The following BICD1 variants were observed in gnomAD, a reference collection of about 807,000 sequenced individuals.
BICD1 encodes BICD cargo adaptor 1.
A neutral mutation model predicts 92.5 loss-of-function variants in BICD1; 35 were observed. The observed-to-expected ratio is 0.38, with a 90% CI of 0.29 to 0.50. The LOEUF is 0.50. Among genes scored for constraint, BICD1 ranks in the 20% least tolerant of loss-of-function variants. The pLI is 0.93. For synonymous variants in BICD1, 429 were observed against 465.1 expected (o/e 0.92, Z 1.00); for missense variants, 950 against 1,189.8 (o/e 0.80, Z 2.97).
intron 8 of BICD1, among the ~76,000 whole-genome samples, chr12:32,355,035 T>C (rs1008824195): frequency 6.6e-6 from 1 of 152,240 alleles, no homozygotes; most frequent in Non-Finnish European, 1.5e-5. Flanking sequence ...ACATTATTAA[T>C]CATTTTGTAG....
chr12:32,338,022 G>A, intron 7 of BICD1: 1 of 542,916 alleles, frequency 1.8e-6, no homozygotes, highest in Non-Finnish European at 3.3e-6. Context: ...CTAACCCCCT[G>A]CCCAATCCCT....
intron 4 of BICD1, among the ~76,000 whole-genome samples, chr12:32,325,017 T>C (rs1278798536): frequency 6.6e-6 from 1 of 152,124 alleles, no homozygotes; most frequent in Non-Finnish European, 1.5e-5. Context: ...ATTTAGGTAG[T>C]TTTGGGGATT....
At chr12:32,271,608 A>G (rs546816982) in intron 2 of BICD1, among the ~76,000 whole-genome samples, 4 of 152,258 alleles carry the variant, frequency 2.6e-5, no homozygotes, top group African/African-American at 7.2e-5. Flanking sequence ...ACTGTGCACT[A>G]ACCTTGTGTG....
At chr12:32,296,233 A>C (rs1277901682) in intron 3 of BICD1, among the ~76,000 whole-genome samples, 1 of 148,318 alleles carries the variant, frequency 6.7e-6, no homozygotes, top group East Asian at 2.0e-4. Flanking sequence ...AATACTTTTT[A>C]AAATAAGAAG....
intron 4 of BICD1, among the ~76,000 whole-genome samples, chr12:32,325,482 C>T (rs546451683): frequency 6.6e-6 from 1 of 152,228 alleles, no homozygotes; most frequent in African/African-American, 2.4e-5. Context: ...TGAGGAGTAG[C>T]TGGTGTTTTA....
intron 1 of BICD1, among the ~76,000 whole-genome samples, chr12:32,114,130 G>T (rs1010692462): frequency 6.6e-6 from 1 of 151,932 alleles, no homozygotes; most frequent in African/African-American, 2.4e-5. Flanking sequence ...CTTGGCCTCC[G>T]AAAGTGCTGG....
chr12:32,382,825 A>G lies in BICD1; in HGVS notation c.*5198A>G, dbSNP rs1592743027. 6.6e-6 allele frequency: 1 copy of G among 152,030 alleles called. No individual in the cohort carries two copies. Among genetic ancestry groups the G allele is most frequent in the Non-Finnish European group, 1.5e-5 (1 of 67,932 alleles). The allele number at this position is 152,030 out of a possible 1,614,324, so 9.4% of individuals were successfully genotyped here. ...TGAGAGAACTATAAAGTAAGGGGAA[A>G]TATCATTTTATTTAAAAATAATTAT... On this transcript the variant is annotated 3_prime_UTR_variant, in exon 10 of 10. Transcript: ENST00000652176.
intron 1 of BICD1, among the ~76,000 whole-genome samples, chr12:32,168,283 T>A (rs1456597907): frequency 6.6e-6 from 1 of 152,230 alleles, no homozygotes; most frequent in Non-Finnish European, 1.5e-5. Flanking sequence ...TCAATTACAC[T>A]GGATTGTGTT....
At chr12:32,341,862 AT>A (rs1276142842) in intron 8 of BICD1, among the ~76,000 whole-genome samples, 2 of 152,158 alleles carry the variant, frequency 1.3e-5, no homozygotes, top group East Asian at 1.9e-4. Flanking sequence ...CATATCAAAC[AT>A]TTTTTATGAT....
chr12:32,216,691 C>T (rs1025886504), intron 2 of BICD1, among the ~76,000 whole-genome samples: 2 of 152,066 alleles, frequency 1.3e-5, no homozygotes, highest in East Asian at 1.9e-4. Context: ...GTATGTATTG[C>T]GGACTTCGGA....
At chr12:32,332,498 G>A (rs1030659623) in intron 5 of BICD1, 30 of 944,378 alleles carry the variant, frequency 3.2e-5, no homozygotes, top group Non-Finnish European at 3.3e-5. Context: ...ATGAAGCACC[G>A]TCCATCTAGC....
In BICD1 at chr12:32,338,842, A is replaced by AC; in HGVS notation, c.2629dup (p.Leu877ProfsTer10). 1 of 1,605,392 alleles carries AC rather than the reference A, an allele frequency of 6.2e-7. No individual in the cohort carries two copies. Among genetic ancestry groups the AC allele is most frequent in the Non-Finnish European group, 8.5e-7 (1 of 1,176,374 alleles). On this transcript the variant is annotated frameshift_variant, in exon 8 of 10. Transcript: ENST00000652176. LOFTEE classifies it high-confidence loss of function. ...CGTCCCAGGACTTCAGGGGCTTCCT[A>AC]CCTACAGAATTTATTAAGAGTTCCC...
rs928586959 is a variant in BICD1 at position 32,370,577 on chromosome 12, C to G, written c.2840+2832C>G. ...AGCTGTGCACTAAATATTGATTATA[C>G]CTGAGAGAGTGAATGAGCTCTGGAA... On this transcript the variant is annotated intron_variant, in intron 9 of 9. Coordinates refer to ENST00000652176, the MANE Select transcript of BICD1 (RefSeq NM_001714.4). 4.6e-5 allele frequency among the ~76,000 whole-genome samples: 7 copies of G among 152,050 alleles called. 1 individual carries two copies. Among genetic ancestry groups the G allele is most frequent in the Admixed American group, 4.6e-4 (7 of 15,242 alleles).
intron 2 of BICD1, among the ~76,000 whole-genome samples, chr12:32,230,724 T>C (rs2594010): frequency 0.41 from 63,028 of 152,026 alleles, 13,402 homozygotes; most frequent in Middle Eastern, 0.46. Context: ...CTCACCTCAC[T>C]TTCCAGCCAT....
intron 1 of BICD1, among the ~76,000 whole-genome samples, chr12:32,195,126 A>G (rs1189190873): frequency 1.3e-5 from 2 of 151,984 alleles, no homozygotes; most frequent in African/African-American, 4.8e-5. Context: ...ACAGAAATAA[A>G]TGGAAAGGTA....
At chr12:32,154,127 AC>A (rs1943368260) in intron 1 of BICD1, among the ~76,000 whole-genome samples, 1 of 152,054 alleles carries the variant, frequency 6.6e-6, no homozygotes. Flanking sequence ...CAAAAGACTC[AC>A]CCAACTCTAA....
In BICD1 at chr12:32,132,651, C is replaced by T. The variant is rs559569468; in HGVS notation, c.213+25107C>T. ...CCAAGGGGGCAGTACTGCCTTCAAC[C>T]AGGACCCCAAAAGACTCCAGTGTGG... On this transcript the variant is annotated intron_variant, in intron 1 of 9. Transcript: ENST00000652176. Among the ~76,000 whole-genome samples, 11 of 152,242 alleles carry T rather than the reference C, an allele frequency of 7.2e-5. No individual in the cohort carries two copies. The East Asian group carries it at 1.9e-3, about 27-fold the overall frequency.
chr12:32,289,613 G>C (rs758578682), intron 2 of BICD1, among the ~76,000 whole-genome samples: 2 of 152,134 alleles, frequency 1.3e-5, no homozygotes, highest in African/African-American at 4.8e-5. Context: ...TTGATCTCTC[G>C]AACTTGTGAT....
intron 1 of BICD1, among the ~76,000 whole-genome samples, chr12:32,126,015 C>T (rs1942318311): frequency 6.8e-6 from 1 of 147,170 alleles, no homozygotes; most frequent in African/African-American, 2.5e-5. Flanking sequence ...TGTCACTGCA[C>T]TCCAGCCTGG....
Sources: allele counts gnomAD v4.1 joint callset (sites outside exome capture counted in the v4.1 genomes callset), GRCh38; gene constraint gnomAD v4.1.1; transcripts MANE v1.5; gene names NCBI Gene and HGNC (gene_info 2026-07-23, HGNC 2026-07-21).